LCOR: variants seen among roughly 807,000 people sequenced by gnomAD.
LCOR encodes ligand-dependent corepressor.
LCOR carries 14 observed loss-of-function variants against 64.4 expected under a neutral mutation model. The observed-to-expected ratio is 0.22, with a 90% CI of 0.14 to 0.34. The LOEUF is 0.34. Ranked by LOEUF, LCOR falls within the 10% of genes least tolerant of loss-of-function variation. The pLI, the probability that LCOR is intolerant of heterozygous loss-of-function variation, is 1.00. For missense variants in LCOR, 1,686 were observed against 1,765.3 expected (o/e 0.96, Z 0.80); for synonymous variants, 643 against 642.5 (o/e 1.00, Z -0.01).
chr10:96,861,344 C>T (rs114162583), intron 2 of LCOR, among the ~76,000 whole-genome samples: 8,301 of 152,228 alleles, frequency 0.055, 769 homozygotes, highest in African/African-American at 0.19. Flanking sequence ...TAAGCTTCTT[C>T]TAACACTTAT....
intron 7 of LCOR, among the ~76,000 whole-genome samples, chr10:96,969,631 C>T (rs1476823382): frequency 6.6e-6 from 1 of 152,062 alleles, no homozygotes; most frequent in Admixed American, 6.6e-5. Context: ...AAAACTTTTC[C>T]AGTGGAAGAA....
intron 4 of LCOR, among the ~76,000 whole-genome samples, chr10:96,932,999 C>A (rs11188971): frequency 0.14 from 21,227 of 152,018 alleles, 2,007 homozygotes; most frequent in African/African-American, 0.26. Context: ...GTTATAGTAA[C>A]AAAATAAAAA....
chr10:96,958,584 T>A (rs1171517683), intron 7 of LCOR: 2 of 623,894 alleles, frequency 3.2e-6, no homozygotes, highest in Non-Finnish European at 5.7e-6. Context: ...CAAACCAAAC[T>A]CTAAACTTTC....
At chr10:96,918,479 A>C (rs1311606415) in intron 4 of LCOR, among the ~76,000 whole-genome samples, 2 of 152,184 alleles carry the variant, frequency 1.3e-5, no homozygotes, top group African/African-American at 4.8e-5. Context: ...TACTGGCTTG[A>C]AAAGTTGTCA....
At chr10:96,893,775 A>G (rs945073550) in intron 2 of LCOR, among the ~76,000 whole-genome samples, 15 of 151,956 alleles carry the variant, frequency 9.9e-5, no homozygotes, top group Non-Finnish European at 2.2e-4. Context: ...AAAAAAAAAA[A>G]AAAGAAATTG....
chr10:96,894,760 T>C (rs1317874171), intron 2 of LCOR, among the ~76,000 whole-genome samples: 1 of 152,188 alleles, frequency 6.6e-6, no homozygotes, highest in East Asian at 1.9e-4. Context: ...ATATATAAAT[T>C]AGATATATTT....
chr10:96,861,329 T>TTCACTACTAAAAGAA (rs1269039183), intron 2 of LCOR, among the ~76,000 whole-genome samples: 1 of 152,226 alleles, frequency 6.6e-6, no homozygotes, highest in African/African-American at 2.4e-5. Flanking sequence ...TAGTGATGAA[T>TTCACTACTAAAAGAA]GCAGTAAGCT....
intron 5 of LCOR, among the ~76,000 whole-genome samples, chr10:96,947,117 A>G (rs1347073463): frequency 6.6e-6 from 1 of 152,096 alleles, no homozygotes; most frequent in East Asian, 1.9e-4. Flanking sequence ...TAAAATGTTA[A>G]TTAAAACAAC....
At chr10:96,833,505 C>T in intron 2 of LCOR, 26 bp downstream of exon 2, 3 of 945,856 alleles carry the variant, frequency 3.2e-6, no homozygotes, top group Non-Finnish European at 3.8e-6. Context: ...GGTGTCTCCG[C>T]TCCGCCCGCC....
At position 96,972,287 on chromosome 10, in the gene LCOR, C is replaced by CT. The variant is rs951251905; in HGVS notation, c.333-8499dup. Among the ~76,000 whole-genome samples, 7 of 152,024 alleles carry CT rather than the reference C, an allele frequency of 4.6e-5. No homozygotes were observed. The East Asian group carries it at 5.8e-4, about 13-fold the overall frequency. On this transcript the variant is annotated intron_variant, in intron 7 of 7. Coordinates refer to ENST00000421806, the MANE Select transcript of LCOR (RefSeq NM_001346516.2). ...ATCTCTCACTGCCTCTGAACCCTCC[C>CT]TTTTTTTAAAAAATTAACACCATAT...
At chr10:96,920,776 ACACACACACACACACGCG>A (rs1283311385) in intron 4 of LCOR, among the ~76,000 whole-genome samples, 1 of 125,664 alleles carries the variant, frequency 8.0e-6, no homozygotes, top group Non-Finnish European at 1.6e-5. Flanking sequence ...ACACACACAC[ACACACACACACACACGCG>A]CGGTGGGGGG....
At chr10:96,849,668 G>A (rs1315651496) in intron 2 of LCOR, among the ~76,000 whole-genome samples, 4 of 152,130 alleles carry the variant, frequency 2.6e-5, no homozygotes, top group African/African-American at 9.7e-5. Context: ...TTTATTCAGT[G>A]TCCCCAAAGG....
At chr10:96,896,536 G>A (rs755391447) in intron 2 of LCOR, among the ~76,000 whole-genome samples, 24 of 152,024 alleles carry the variant, frequency 1.6e-4, no homozygotes, top group South Asian at 4.2e-4. Context: ...CGATTCTCCC[G>A]CCTCAGCCTC....
intron 2 of LCOR, among the ~76,000 whole-genome samples, chr10:96,870,460 C>T (rs1323411772): frequency 6.6e-6 from 1 of 152,194 alleles, no homozygotes; most frequent in Non-Finnish European, 1.5e-5. Context: ...CATATTACAG[C>T]CTTGCCAAAT....
rs1273461015 is a variant in LCOR at position 96,986,307 on chromosome 10, A to C, written c.*1173A>C. ...GCATCCCCAATACCACTTTGGTACC[A>C]GACTCAGAAAGATCTAAAACAGCAT... is the stretch of plus-strand genomic sequence containing the variant. On this transcript the variant is annotated 3_prime_UTR_variant, in exon 8 of 8. Coordinates refer to ENST00000421806, the MANE Select transcript of LCOR (RefSeq NM_001346516.2). The C allele has an allele frequency of 6.3e-6, 1 of 158,856 alleles. No homozygotes were observed. Among genetic ancestry groups the C allele is most frequent in the Non-Finnish European group, 1.5e-5 (1 of 68,096 alleles). 9.8% of individuals were successfully genotyped at this position (158,856 alleles called of 1,614,324 possible).
intron 2 of LCOR, among the ~76,000 whole-genome samples, chr10:96,884,927 C>G (rs909501337): frequency 2.6e-5 from 4 of 152,152 alleles, no homozygotes; most frequent in Non-Finnish European, 4.4e-5. Context: ...TCCTACCTAC[C>G]TTTTCAGCTT....
intron 7 of LCOR, chr10:96,964,258 A>G (rs1452731130): frequency 8.0e-6 from 1 of 124,562 alleles, no homozygotes; most frequent in African/African-American, 3.2e-5. Flanking sequence ...TTTTTTTTGC[A>G]TTGTATGTCA....
At chr10:96,941,300 C>T (rs1589670948) in intron 4 of LCOR, among the ~76,000 whole-genome samples, 1 of 142,834 alleles carries the variant, frequency 7.0e-6, no homozygotes, top group Admixed American at 6.8e-5. Context: ...ATCCCCCCAC[C>T]TCCCTCCCGG....
chr10:96,977,717 G>A (rs2134559634), intron 7 of LCOR, among the ~76,000 whole-genome samples: 1 of 152,212 alleles, frequency 6.6e-6, no homozygotes, highest in East Asian at 1.9e-4. Flanking sequence ...TGTCACCCAG[G>A]CTGTAGTACA....
Sources: gnomAD v4.1 joint callset for allele counts (sites outside exome capture counted in the v4.1 genomes callset) on GRCh38, gnomAD v4.1.1 for gene constraint, MANE v1.5 for transcripts, NCBI Gene and HGNC (gene_info 2026-07-23, HGNC 2026-07-21) for gene names.